The following WDPCP variants were observed in gnomAD, a reference collection of about 807,000 sequenced individuals.
The protein encoded by WDPCP is WD repeat-containing and planar cell polarity effector protein fritz homolog.
WDPCP carries 71 observed loss-of-function variants against 93.1 expected under a neutral mutation model. The observed-to-expected ratio is 0.76, with a 90% CI of 0.63 to 0.93. The LOEUF (loss-of-function observed/expected upper bound fraction) is 0.93. Ranked by LOEUF, WDPCP falls within the 40% of genes least tolerant of loss-of-function variation. WDPCP has a pLI of 0.00. For missense variants in WDPCP, 844 were observed against 887.4 expected, an observed-to-expected ratio of 0.95 and a Z score of 0.62; for synonymous variants, 315 against 315.0, an observed-to-expected ratio of 1.00 and a Z score of 0.00.
intron 2 of WDPCP, among the ~76,000 whole-genome samples, chr2:63,718,852 G>T (rs1669374348): frequency 6.6e-6 from 1 of 152,108 alleles, no homozygotes; most frequent in African/African-American, 2.4e-5. Context: ...CAAACCAAAA[G>T]AAGACTGGCT....
intron 2 of WDPCP, among the ~76,000 whole-genome samples, chr2:63,770,639 G>A (rs747941899): frequency 2.0e-5 from 3 of 151,902 alleles, no homozygotes; most frequent in Non-Finnish European, 4.4e-5. Flanking sequence ...CTCAAAGTGT[G>A]GTCTGAGGAC....
intron 1 of WDPCP, among the ~76,000 whole-genome samples, chr2:63,535,592 C>A (rs998398037): frequency 2.6e-5 from 4 of 152,064 alleles, no homozygotes; most frequent in African/African-American, 9.7e-5. Flanking sequence ...ACAAACCTGA[C>A]AAAAACAAGA....
chr2:63,734,181 A>G (rs535049649), intron 2 of WDPCP, among the ~76,000 whole-genome samples: 2 of 152,134 alleles, frequency 1.3e-5, no homozygotes, highest in Non-Finnish European at 2.9e-5. Flanking sequence ...AATTTCCTTT[A>G]ATTTTTTTCT....
At chr2:63,811,388 A>C (rs935635946) in intron 2 of WDPCP, among the ~76,000 whole-genome samples, 27 of 152,314 alleles carry the variant, frequency 1.8e-4, no homozygotes, top group African/African-American at 5.8e-4. Flanking sequence ...TAAGCAGCCA[A>C]GTTGGAAAAG....
chr2:63,731,379 A>T (rs1351758673), intron 2 of WDPCP, among the ~76,000 whole-genome samples: 1 of 152,186 alleles, frequency 6.6e-6, no homozygotes, highest in South Asian at 2.1e-4. Flanking sequence ...AATTCACATA[A>T]CATTAATTAA....
intron 12 of WDPCP, among the ~76,000 whole-genome samples, chr2:63,321,588 TC>T (rs764213350): frequency 7.9e-4 from 120 of 152,162 alleles, no homozygotes; most frequent in Admixed American, 1.3e-3. Context: ...TTACGAAGAT[TC>T]CTATCATTTT....
intron 17 of WDPCP, among the ~76,000 whole-genome samples, chr2:63,128,832 C>G (rs1246868644): frequency 6.6e-6 from 1 of 152,102 alleles, no homozygotes; most frequent in Non-Finnish European, 1.5e-5. Flanking sequence ...CCATGCCCTG[C>G]TAATTTTGTA....
intron 1 of WDPCP, chr2:63,518,611 A>C (rs1431952812): frequency 2.0e-5 from 3 of 152,680 alleles, no homozygotes; most frequent in Admixed American, 1.3e-4. Flanking sequence ...ACACCCCGCA[A>C]AGCTCACCAG....
intron 14 of WDPCP, among the ~76,000 whole-genome samples, chr2:63,202,545 T>TGA (rs1276780333): frequency 6.6e-6 from 1 of 152,156 alleles, no homozygotes; most frequent in Admixed American, 6.5e-5. Flanking sequence ...TTTCTTAAAT[T>TGA]GAGAGAGGTA....
chr2:63,484,966 A>G lies in WDPCP; in HGVS notation c.275T>C (p.Leu92Pro). ...LAESRDYPWT[L>P]KNRRPEKLRD... is the part of the protein sequence containing the mutation. ...GAGTTTTTCTGGGCGTCTGTTTTTGAGCGTCCAAGGATAATCTCGTGCTGG... is the reference window on the plus strand; with the variant it reads ...GAGTTTTTCTGGGCGTCTGTTTTTGGGCGTCCAAGGATAATCTCGTGCTGG... The change falls in exon 5 of 18, where the codon CTC becomes CCC. Residue 92 changes from leucine to proline, a missense_variant. Coordinates refer to ENST00000272321, the MANE Select transcript of WDPCP (RefSeq NM_015910.7). 6.2e-7 allele frequency: 1 copy of G among 1,612,560 alleles called. No homozygotes were observed. Among genetic ancestry groups the G allele is most frequent in the East Asian group, 2.2e-5 (1 of 44,852 alleles).
chr2:63,721,727 C>CCCCTCTCCCTCTCCCCACGGTCT (rs1669417516), intron 2 of WDPCP, among the ~76,000 whole-genome samples: 1 of 147,404 alleles, frequency 6.8e-6, no homozygotes, highest in Non-Finnish European at 1.5e-5. Context: ...CCTCCTCCTC[C>CCCCTCTCCCTCTCCCCACGGTCT]CCCTCTCCCT....
At chr2:63,354,951 G>A (rs920554197) in intron 12 of WDPCP, among the ~76,000 whole-genome samples, 5 of 152,140 alleles carry the variant, frequency 3.3e-5, no homozygotes, top group Non-Finnish European at 5.9e-5. Flanking sequence ...TATGTAAAGA[G>A]GCCAAATATA....
chr2:63,350,418 A>G (rs1689508806), intron 12 of WDPCP, among the ~76,000 whole-genome samples: 1 of 151,834 alleles, frequency 6.6e-6, no homozygotes, highest in Non-Finnish European at 1.5e-5. Context: ...GTGCACATGT[A>G]TCCTAGAACT....
intron 17 of WDPCP, among the ~76,000 whole-genome samples, chr2:63,128,506 C>A (rs1670069929): frequency 1.3e-5 from 2 of 151,912 alleles, no homozygotes; most frequent in Admixed American, 6.6e-5. Context: ...ATAAAATTTA[C>A]CACTTTATTT....
intron 14 of WDPCP, among the ~76,000 whole-genome samples, chr2:63,197,182 A>C (rs1396597853): frequency 1.3e-5 from 2 of 151,944 alleles, no homozygotes; most frequent in Admixed American, 6.6e-5. Flanking sequence ...TACTCAACAC[A>C]AAGACAACAC....
chr2:63,521,399 G>A (rs975566514), intron 1 of WDPCP, among the ~76,000 whole-genome samples: 1 of 151,990 alleles, frequency 6.6e-6, no homozygotes, highest in Non-Finnish European at 1.5e-5. Context: ...GAAAGCAGGG[G>A]GTTGCTATCT....
At chr2:63,383,129 G>A (rs1023699205) in intron 10 of WDPCP, among the ~76,000 whole-genome samples, 1 of 151,918 alleles carries the variant, frequency 6.6e-6, no homozygotes, top group African/African-American at 2.4e-5. Flanking sequence ...AGGTGATAAA[G>A]AGAAAATCTT....
At chr2:63,821,255 G>C (rs1326912869) in intron 1 of WDPCP, among the ~76,000 whole-genome samples, 1 of 152,132 alleles carries the variant, frequency 6.6e-6, no homozygotes, top group Non-Finnish European at 1.5e-5. Flanking sequence ...TGAACTTGGA[G>C]GTGTCATTAA....
At chr2:63,586,680 C>T (rs951185413) in intron 1 of WDPCP, among the ~76,000 whole-genome samples, 7 of 152,194 alleles carry the variant, frequency 4.6e-5, no homozygotes, top group African/African-American at 1.4e-4. Context: ...TAGCAATAAA[C>T]AGAACAAGGC....
Sources: gnomAD v4.1 joint callset for allele counts (sites outside exome capture counted in the v4.1 genomes callset) on GRCh38, gnomAD v4.1.1 for gene constraint, MANE v1.5 for transcripts, NCBI Gene and HGNC (gene_info 2026-07-23, HGNC 2026-07-21) for gene names.